The following NAALADL2 variants were observed in gnomAD, a reference collection of about 807,000 sequenced individuals.
NAALADL2 encodes the protein inactive N-acetylated-alpha-linked acidic dipeptidase-like protein 2.
Under a neutral mutation model 87.2 loss-of-function variants are expected in NAALADL2, and 76 were observed. That is an observed-to-expected ratio of 0.87 (90% CI 0.72 to 1.05). The LOEUF is 1.05. Among genes scored for constraint, NAALADL2 ranks in the 50% least tolerant of loss-of-function variants. NAALADL2 has a pLI of 0.00. For missense variants in NAALADL2, 1,089 were observed against 945.8 expected, an observed-to-expected ratio of 1.15 and a Z score of -1.99; for synonymous variants, 354 against 331.0, an observed-to-expected ratio of 1.07 and a Z score of -0.75.
chr3:175,305,003 T>C (rs1032161796), intron 4 of NAALADL2, among the ~76,000 whole-genome samples: 1 of 152,174 alleles, frequency 6.6e-6, no homozygotes, highest in African/African-American at 2.4e-5. Context: ...TCCAAAAGTT[T>C]CATTGTTACA....
intron 2 of NAALADL2, among the ~76,000 whole-genome samples, chr3:175,161,101 A>G (rs1164059432): frequency 6.6e-6 from 1 of 152,160 alleles, no homozygotes; most frequent in East Asian, 1.9e-4. Context: ...AGATAACCGT[A>G]AATGATTATC....
At chr3:175,641,310 A>G (rs1231541279) in intron 11 of NAALADL2, among the ~76,000 whole-genome samples, 1 of 152,134 alleles carries the variant, frequency 6.6e-6, no homozygotes, top group Non-Finnish European at 1.5e-5. Flanking sequence ...TACTTTTTGT[A>G]AGTTGTAAAA....
intron 5 of NAALADL2, among the ~76,000 whole-genome samples, chr3:175,412,507 G>A (rs1713721533): frequency 6.6e-6 from 1 of 152,126 alleles, no homozygotes. Context: ...GTTATTATTA[G>A]GATGGGGGTT....
chr3:175,383,060 A>G (rs750015709), intron 5 of NAALADL2, among the ~76,000 whole-genome samples: 5 of 152,124 alleles, frequency 3.3e-5, no homozygotes, highest in Non-Finnish European at 7.4e-5. Flanking sequence ...TTATGGATAC[A>G]TAATCACTAT....
At chr3:175,739,678 T>A (rs562603595) in intron 12 of NAALADL2, among the ~76,000 whole-genome samples, 6 of 152,324 alleles carry the variant, frequency 3.9e-5, no homozygotes, top group African/African-American at 1.4e-4. Flanking sequence ...CTCTCTGGTA[T>A]ACTTGGCACA....
chr3:174,981,939 C>T (rs934127776), intron 1 of NAALADL2, among the ~76,000 whole-genome samples: 4 of 152,150 alleles, frequency 2.6e-5, no homozygotes, highest in South Asian at 2.1e-4. Context: ...GCTTCCTTTA[C>T]GGACACTTTC....
In NAALADL2 at chr3:175,369,359, TA is replaced by T. The variant is rs1156768671; in HGVS notation, c.1090+45035del. On this transcript the variant is annotated intron_variant, in intron 5 of 13. Transcript: ENST00000454872. ...TGTGCGTGTGTGTACATATACATGT[TA>T]CATTTACATACACCTGATATGTGCA... Among the ~76,000 whole-genome samples the T allele has an allele frequency of 1.3e-4, 19 of 151,728 alleles. No homozygotes were observed. The East Asian group carries it at 1.6e-3, about 12-fold the overall frequency.
intron 9 of NAALADL2, among the ~76,000 whole-genome samples, chr3:175,516,415 A>C (rs1419703862): frequency 1.3e-5 from 2 of 152,166 alleles, no homozygotes; most frequent in Non-Finnish European, 2.9e-5. Flanking sequence ...GTGTGAGATA[A>C]GTGTGTGTGA....
At chr3:175,167,836 T>G (rs1734211010) in intron 2 of NAALADL2, among the ~76,000 whole-genome samples, 1 of 152,030 alleles carries the variant, frequency 6.6e-6, no homozygotes, top group Non-Finnish European at 1.5e-5. Context: ...TCTATACCCA[T>G]GTCTTATTCC....
intron 4 of NAALADL2, among the ~76,000 whole-genome samples, chr3:175,277,985 A>G (rs1753814491): frequency 6.6e-6 from 1 of 152,170 alleles, no homozygotes; most frequent in Non-Finnish European, 1.5e-5. Context: ...ATCTCAGTTT[A>G]TAATTTAATG....
chr3:174,728,613 G>A (rs1037594541), intron 2 of NAALADL2, among the ~76,000 whole-genome samples: 6 of 151,816 alleles, frequency 4.0e-5, no homozygotes, highest in Non-Finnish European at 7.4e-5. Context: ...TTGATTTTTA[G>A]TCCTCAATAT....
chr3:174,815,730 A>G (rs1243149431), intron 3 of NAALADL2, among the ~76,000 whole-genome samples: 1 of 152,136 alleles, frequency 6.6e-6, no homozygotes, highest in Non-Finnish European at 1.5e-5. Flanking sequence ...GAAAAGCATT[A>G]TAAAAATACA....
intron 5 of NAALADL2, among the ~76,000 whole-genome samples, chr3:175,393,935 T>C (rs1769413172): frequency 6.6e-6 from 1 of 152,220 alleles, no homozygotes; most frequent in Non-Finnish European, 1.5e-5. Flanking sequence ...TCTTTCATGA[T>C]CTTGACACCT....
At chr3:175,213,933 G>C (rs1279476926) in intron 2 of NAALADL2, among the ~76,000 whole-genome samples, 1 of 152,098 alleles carries the variant, frequency 6.6e-6, no homozygotes, top group East Asian at 1.9e-4. Flanking sequence ...CCTGTGGACT[G>C]TAAGAGGGAA....
At chr3:175,100,838 C>CA (rs562200946) in intron 2 of NAALADL2, among the ~76,000 whole-genome samples, 2,512 of 67,682 alleles carry the variant, frequency 0.037, 41 homozygotes, top group East Asian at 0.067. Flanking sequence ...GACTCTGTCT[C>CA]AAAAAAAAAA....
At chr3:175,614,924 A>G (rs1216899884) in intron 10 of NAALADL2, among the ~76,000 whole-genome samples, 1 of 152,220 alleles carries the variant, frequency 6.6e-6, no homozygotes, top group Non-Finnish European at 1.5e-5. Flanking sequence ...GAATCATAAA[A>G]CAGAAATTCT....
At chr3:174,533,813 G>T (rs1721463710) in intron 1 of NAALADL2, among the ~76,000 whole-genome samples, 1 of 152,062 alleles carries the variant, frequency 6.6e-6, no homozygotes, top group African/African-American at 2.4e-5. Flanking sequence ...GGAAAGTATT[G>T]CTTAAAGAAA....
intron 9 of NAALADL2, among the ~76,000 whole-genome samples, chr3:175,479,344 C>A (rs947874192): frequency 7.2e-5 from 11 of 151,808 alleles, no homozygotes; most frequent in African/African-American, 2.7e-4. Context: ...TTTCCCAGTG[C>A]GCATTATGAA....
chr3:175,304,805 TTCAGAC>T (rs1461322239), intron 4 of NAALADL2, among the ~76,000 whole-genome samples: 1 of 152,226 alleles, frequency 6.6e-6, no homozygotes, highest in African/African-American at 2.4e-5. Context: ...GCAAATACTT[TTCAGAC>T]TCATAAATTT....
Sources: allele counts gnomAD v4.1 joint callset (sites outside exome capture counted in the v4.1 genomes callset), GRCh38; gene constraint gnomAD v4.1.1; transcripts MANE v1.5; gene names NCBI Gene and HGNC (gene_info 2026-07-23, HGNC 2026-07-21).